Variants in XRRA1 observed in about 807,000 individuals in gnomAD.
XRRA1 encodes X-ray radiation resistance associated 1.
Under a neutral mutation model 80.2 loss-of-function variants are expected in XRRA1, and 69 were observed. The ratio of observed to expected loss-of-function variants is 0.86; its 90% confidence interval spans 0.71 to 1.05. The LOEUF is 1.05. Ranked by LOEUF, XRRA1 falls within the 50% of genes least tolerant of loss-of-function variation. The pLI, the probability that XRRA1 is intolerant of heterozygous loss-of-function variation, is 0.00. For synonymous variants in XRRA1, 348 were observed against 389.9 expected (o/e 0.89, Z 1.27); for missense variants, 967 against 976.4 (o/e 0.99, Z 0.13).
rs138417102 is a variant in XRRA1 at position 74,921,425 on chromosome 11, T to C, written c.523-78A>G. ...TGCTCATATATGATGTGGGAGCTACTTTCTAGAGTGCCCCATCGCCCACAG... is the reference window on the plus strand; with the variant it reads ...TGCTCATATATGATGTGGGAGCTACCTTCTAGAGTGCCCCATCGCCCACAG... On this transcript the variant is annotated intron_variant, in intron 7 of 18. Transcript: ENST00000684022. 1.1e-4 allele frequency: 177 copies of C among 1,568,756 alleles called. 1 individual carries two copies. In the East Asian group the frequency reaches 3.9e-3, roughly 35 times the overall value.
intron 11 of XRRA1, among the ~76,000 whole-genome samples, chr11:74,862,234 T>C (rs1028415794): frequency 6.6e-6 from 1 of 152,210 alleles, no homozygotes; most frequent in Non-Finnish European, 1.5e-5. Flanking sequence ...TGCAGCTGTA[T>C]AAGTGAGCCT....
Position 74,843,078 on chromosome 11 carries a change from GC to G in XRRA1, c.*121del. On this transcript the variant is annotated 3_prime_UTR_variant, in exon 19 of 19. Transcript: ENST00000684022. ...TGCCACCTTGTGGCCAGCAAGTGGG[GC>G]CCAGCTGAGCTCTGAGGCCTGTGGC... is the stretch of plus-strand genomic sequence containing the variant. The G allele has an allele frequency of 7.5e-7, 1 of 1,336,598 alleles. No individual in the cohort carries two copies. The highest frequency in any genetic ancestry group is 9.9e-7 in the Non-Finnish European group (1 of 1,006,356). 82.8% of individuals were successfully genotyped at this position (1,336,598 alleles called of 1,614,324 possible). A position where few individuals can be genotyped will look rare whatever the true frequency, so the allele number is the denominator to read the frequency against.
At chr11:74,872,127 T>C (rs963104353) in intron 10 of XRRA1, among the ~76,000 whole-genome samples, 1 of 152,182 alleles carries the variant, frequency 6.6e-6, no homozygotes, top group Non-Finnish European at 1.5e-5. Context: ...GAAACACTTA[T>C]TAATGTGCAT....
intron 8 of XRRA1, chr11:74,910,059 C>G (rs566897566): frequency 6.6e-6 from 1 of 152,146 alleles, no homozygotes; most frequent in Non-Finnish European, 1.5e-5. Context: ...GTAAGACTTT[C>G]GATTAGGCTA....
At chr11:74,905,114 C>T (rs867359487) in intron 10 of XRRA1, among the ~76,000 whole-genome samples, 4 of 152,248 alleles carry the variant, frequency 2.6e-5, no homozygotes, top group South Asian at 2.1e-4. Flanking sequence ...AGAGCAGTGG[C>T]GTGATCATAG....
At chr11:74,940,244 A>G (rs1946045778) in intron 3 of XRRA1, among the ~76,000 whole-genome samples, 1 of 152,204 alleles carries the variant, frequency 6.6e-6, no homozygotes, top group Admixed American at 6.5e-5. Context: ...TCTACCTGGC[A>G]GAGTCGAATT....
intron 5 of XRRA1, among the ~76,000 whole-genome samples, chr11:74,931,602 G>T (rs1271156607): frequency 6.6e-6 from 1 of 152,186 alleles, no homozygotes; most frequent in African/African-American, 2.4e-5. Flanking sequence ...TAGGATTACA[G>T]GCATGAGCCA....
In XRRA1 at chr11:74,844,149, C is replaced by G. The variant is rs370601821; in HGVS notation, c.2043+19G>C. On this transcript the variant is annotated intron_variant, in intron 17 of 18. Coordinates refer to ENST00000684022, the MANE Select transcript of XRRA1 (RefSeq NM_001378157.1). ...GGTACTCAGGGGCCATTTACACATT[C>G]AGTGAGCTGGATGTTTACCCGTTTC... The G allele has an allele frequency of 3.7e-6, 6 of 1,608,278 alleles. No homozygotes were observed. The highest frequency in any genetic ancestry group is 5.1e-6 in the Non-Finnish European group (6 of 1,174,820).
At chr11:74,865,146 GCGGGGCC>G (rs2043123295) in intron 10 of XRRA1, among the ~76,000 whole-genome samples, 1 of 151,682 alleles carries the variant, frequency 6.6e-6, no homozygotes, top group South Asian at 2.1e-4. Flanking sequence ...TCAAATCCCA[GCGGGGCC>G]CAGTGTCAGC....
chr11:74,906,371 A>T lies in XRRA1; in HGVS notation c.871T>A (p.Trp291Arg), dbSNP rs751790389. The T allele has an allele frequency of 1.2e-6, 2 of 1,613,884 alleles. No individual in the cohort carries two copies. Among genetic ancestry groups the T allele is most frequent in the African/African-American group, 1.3e-5 (1 of 74,924 alleles). ...QVQLYDESVD[W>R]NGGRGSPHKE... ...TGGGGACTTCCCCTGCCTCCATTCC[A>T]GTCTACTGACTCGTCATAGAGCTGA... The change falls in exon 10 of 19, where the codon TGG (tryptophan) becomes AGG (arginine). Residue 291 changes from tryptophan to arginine, a missense_variant. Coordinates refer to ENST00000684022, the MANE Select transcript of XRRA1 (RefSeq NM_001378157.1).
intron 8 of XRRA1, among the ~76,000 whole-genome samples, chr11:74,909,198 C>T (rs531077641): frequency 6.6e-6 from 1 of 152,164 alleles, no homozygotes; most frequent in South Asian, 2.1e-4. Context: ...CTGTAGAGAA[C>T]AGGCTTGAAG....
intron 1 of XRRA1, among the ~76,000 whole-genome samples, chr11:74,946,826 A>T (rs1947648431): frequency 6.7e-6 from 1 of 149,240 alleles, no homozygotes; most frequent in South Asian, 2.1e-4. Context: ...ATCTCAGCTC[A>T]CTGCAAGCTC....
chr11:74,863,654 C>G (rs1256633333), intron 10 of XRRA1: 1 of 152,406 alleles, frequency 6.6e-6, no homozygotes, highest in African/African-American at 2.4e-5. Context: ...ATAGCATCTG[C>G]TGGGACTAGA....
chr11:74,869,382 C>G (rs2044247651), intron 10 of XRRA1, among the ~76,000 whole-genome samples: 1 of 152,142 alleles, frequency 6.6e-6, no homozygotes, highest in Admixed American at 6.5e-5. Context: ...CAAAGCTTCC[C>G]TTTTAGCAAG....
chr11:74,943,978 T>C (rs990207855), intron 2 of XRRA1, among the ~76,000 whole-genome samples: 10 of 152,138 alleles, frequency 6.6e-5, no homozygotes, highest in African/African-American at 1.9e-4. Context: ...CATGCCACCA[T>C]GTCTGGCTAA....
intron 10 of XRRA1, among the ~76,000 whole-genome samples, chr11:74,880,376 C>T (rs924329220): frequency 2.6e-4 from 39 of 151,930 alleles, no homozygotes; most frequent in Middle Eastern, 6.8e-3. Flanking sequence ...GTCTTGCTAG[C>T]GGTCTATCAA....
intron 4 of XRRA1, among the ~76,000 whole-genome samples, chr11:74,934,279 C>T (rs537098616): frequency 2.4e-4 from 37 of 152,224 alleles, no homozygotes; most frequent in African/African-American, 8.7e-4. Context: ...ATATGTCACC[C>T]GACATAATTT....
At position 74,896,699 on chromosome 11, in the gene XRRA1, G is replaced by A. The variant is rs147497256; in HGVS notation, c.1003+9540C>T. The stretch of plus-strand genomic sequence containing the variant: ...GGGCCACAGGGGTGCTTGCATCACC[G>A]CACCCTCAGTTTCAGATGGCTTGGA... On this transcript the variant is annotated intron_variant, in intron 10 of 18. Coordinates refer to ENST00000684022, the MANE Select transcript of XRRA1 (RefSeq NM_001378157.1). Among the ~76,000 whole-genome samples, 29 of 152,270 alleles carry A rather than the reference G, an allele frequency of 1.9e-4. No individual in the cohort carries two copies. In the East Asian group the frequency reaches 2.7e-3, roughly 14 times the overall value.
chr11:74,844,954 C>T lies in XRRA1; in HGVS notation c.1927+119G>A, dbSNP rs371688765. 117 of 989,970 alleles carry T rather than the reference C, an allele frequency of 1.2e-4. No individual in the cohort carries two copies. The South Asian group carries it at 1.6e-3, about 14-fold the overall frequency. The allele number at this position is 989,970 out of a possible 1,614,324, so 61.3% of individuals were successfully genotyped here. On this transcript the variant is annotated intron_variant, in intron 16 of 18. Transcript: ENST00000684022. ...AGGAGCCCTTTGACAGGTATTTAGA[C>T]AGAGGACAGCACCCTAGTTGGGAAA...
Sources: gnomAD v4.1 joint callset for allele counts (sites outside exome capture counted in the v4.1 genomes callset) on GRCh38, gnomAD v4.1.1 for gene constraint, MANE v1.5 for transcripts, NCBI Gene and HGNC (gene_info 2026-07-23, HGNC 2026-07-21) for gene names.